ROBO2: variants seen among roughly 807,000 people sequenced by gnomAD.
ROBO2 encodes roundabout guidance receptor 2, also known as roundabout homolog 2.
In ROBO2, 53 loss-of-function variants were observed where a neutral mutation model predicts 160.8. That is an observed-to-expected ratio of 0.33 (90% CI 0.26 to 0.41). The LOEUF (loss-of-function observed/expected upper bound fraction) is 0.41, where lower values mean the gene tolerates loss of function less well. Ranked by LOEUF, ROBO2 falls within the 10% of genes least tolerant of loss-of-function variation. The pLI, the probability that ROBO2 is intolerant of heterozygous loss-of-function variation, is 1.00. For synonymous variants in ROBO2, 664 were observed against 611.7 expected, an observed-to-expected ratio of 1.09 and a Z score of -1.26; for missense variants, 1,577 against 1,722.4, an observed-to-expected ratio of 0.92 and a Z score of 1.49.
chr3:77,524,309 G>A (rs2090922036), intron 6 of ROBO2, among the ~76,000 whole-genome samples: 1 of 150,152 alleles, frequency 6.7e-6, no homozygotes, highest in Non-Finnish European at 1.5e-5. Flanking sequence ...GGATTATGTA[G>A]GATGAAAATC....
chr3:77,240,548 C>A (rs2088878607), intron 2 of ROBO2, among the ~76,000 whole-genome samples: 1 of 152,160 alleles, frequency 6.6e-6, no homozygotes, highest in Admixed American at 6.5e-5. Flanking sequence ...CAGCAGCGGG[C>A]TGAAGGGCTC....
At chr3:76,959,755 C>T (rs2079519253) in intron 2 of ROBO2, among the ~76,000 whole-genome samples, 1 of 151,982 alleles carries the variant, frequency 6.6e-6, no homozygotes, top group Admixed American at 6.6e-5. Context: ...GAAAATATTG[C>T]CCTCTGTTTC....
At chr3:77,161,089 G>C (rs1342142418) in intron 2 of ROBO2, among the ~76,000 whole-genome samples, 1 of 152,154 alleles carries the variant, frequency 6.6e-6, no homozygotes, top group African/African-American at 2.4e-5. Flanking sequence ...CTCCCTCCCT[G>C]TAAGCTTCAT....
chr3:77,206,857 A>G (rs1001034907), intron 2 of ROBO2, among the ~76,000 whole-genome samples: 1 of 152,162 alleles, frequency 6.6e-6, no homozygotes, highest in African/African-American at 2.4e-5. Context: ...TGATGAAACC[A>G]TTCAAGAATT....
chr3:77,200,402 T>C (rs749587490), intron 2 of ROBO2, among the ~76,000 whole-genome samples: 4 of 148,504 alleles, frequency 2.7e-5, no homozygotes, highest in Non-Finnish European at 6.0e-5. Context: ...TAGGTGTCGT[T>C]ATTATTAAAT....
chr3:76,216,802 A>T (rs190058517), intron 2 of ROBO2, among the ~76,000 whole-genome samples: 3 of 152,342 alleles, frequency 2.0e-5, no homozygotes, highest in Admixed American at 1.3e-4. Context: ...GCTCTGCACC[A>T]AGCGGACCTA....
chr3:76,466,065 A>T (rs2078346772), intron 2 of ROBO2, among the ~76,000 whole-genome samples: 1 of 151,360 alleles, frequency 6.6e-6, no homozygotes, highest in South Asian at 2.1e-4. Flanking sequence ...TACAATATAT[A>T]CTTCATGTAT....
chr3:77,061,838 A>G (rs1029699217), intron 1 of ROBO2, among the ~76,000 whole-genome samples: 4 of 152,202 alleles, frequency 2.6e-5, no homozygotes, highest in Non-Finnish European at 5.9e-5. Context: ...TATGCAGGAC[A>G]GGAATACCGT....
At chr3:76,345,446 T>C (rs1287896403) in intron 2 of ROBO2, among the ~76,000 whole-genome samples, 11 of 150,360 alleles carry the variant, frequency 7.3e-5, no homozygotes, top group South Asian at 2.1e-4. Flanking sequence ...TCTTTCTTTT[T>C]TTTTTTTTTT....
At chr3:77,170,673 C>T (rs950379982) in intron 2 of ROBO2, among the ~76,000 whole-genome samples, 2 of 151,964 alleles carry the variant, frequency 1.3e-5, no homozygotes, top group Non-Finnish European at 2.9e-5. Flanking sequence ...ATTATAGAAT[C>T]GCTTAGCTTT....
At position 76,974,986 on chromosome 3, in the gene ROBO2, T is replaced by C. The variant is rs114924631; in HGVS notation, c.110-123028T>C. On this transcript the variant is annotated intron_variant, in intron 2 of 26. Coordinates refer to the ROBO2 transcript ENST00000487694. ...AAAAAAAAATTCCATATGATAATAATAATACACTCTATGATATAACAAGAA... is the reference window on the plus strand; with the variant it reads ...AAAAAAAAATTCCATATGATAATAACAATACACTCTATGATATAACAAGAA... Among the ~76,000 whole-genome samples, 1,096 of 152,290 alleles carry C rather than the reference T, an allele frequency of 7.2e-3. 13 individuals are homozygous for C. Among genetic ancestry groups the C allele is most frequent in the African/African-American group, 0.022 (925 of 41,566 alleles).
intron 2 of ROBO2, among the ~76,000 whole-genome samples, chr3:77,134,717 A>G (rs1304947744): frequency 2.0e-5 from 3 of 152,188 alleles, no homozygotes; most frequent in African/African-American, 2.4e-5. Flanking sequence ...TAAAGCTTTC[A>G]TAAGATAATA....
intron 2 of ROBO2, among the ~76,000 whole-genome samples, chr3:76,815,073 G>C (rs2065541830): frequency 6.6e-6 from 1 of 151,878 alleles, no homozygotes; most frequent in South Asian, 2.1e-4. Context: ...AATTAAAAAA[G>C]GGCTACATGT....
At chr3:76,135,451 T>A (rs571155062) in intron 2 of ROBO2, among the ~76,000 whole-genome samples, 1 of 152,208 alleles carries the variant, frequency 6.6e-6, no homozygotes, top group South Asian at 2.1e-4. Flanking sequence ...TGTGTGCTAC[T>A]TTTGTATAAT....
At chr3:76,802,467 G>C (rs539977126) in intron 2 of ROBO2, among the ~76,000 whole-genome samples, 21 of 151,894 alleles carry the variant, frequency 1.4e-4, no homozygotes, top group African/African-American at 4.8e-4. Flanking sequence ...GGTGGCTCAC[G>C]CCTGTGATCC....
chr3:76,048,936 C>T (rs2067548935), intron 2 of ROBO2, among the ~76,000 whole-genome samples: 1 of 152,172 alleles, frequency 6.6e-6, no homozygotes, highest in African/African-American at 2.4e-5. Context: ...CAGAAAGTTA[C>T]ATACTTCTTG....
rs1414664360 is a variant in ROBO2 at position 76,049,403 on chromosome 3, A to ATATTTTT, written c.109+111802_109+111803insATTTTTT. ...TTTTAGTATATATATATATATATATATTTTTTTTTTTTTTTTTTTTTGTAG... is the reference window on the plus strand; with the variant it reads ...TTTTAGTATATATATATATATATATATATTTTTTTTTTTTTTTTTTTTTTTTTTGTAG... On this transcript the variant is annotated intron_variant, in intron 2 of 26. Coordinates refer to the ROBO2 transcript ENST00000487694. Among the ~76,000 whole-genome samples, 181 of 53,754 alleles carry ATATTTTT rather than the reference A, an allele frequency of 3.4e-3. 1 individual carries two copies. The highest frequency in any genetic ancestry group is 4.3e-3 in the Non-Finnish European group (155 of 36,402). 35.3% of individuals were successfully genotyped at this position (53,754 alleles called of 152,430 possible). A position where few individuals can be genotyped will look rare whatever the true frequency, so the allele number is the denominator to read the frequency against.
intron 2 of ROBO2, among the ~76,000 whole-genome samples, chr3:77,193,069 T>C (rs927987073): frequency 3.3e-5 from 5 of 152,198 alleles, no homozygotes; most frequent in Admixed American, 1.3e-4. Flanking sequence ...AAAATAAGCA[T>C]TCTTTGAATA....
chr3:76,810,236 T>G (rs1366427813), intron 2 of ROBO2, among the ~76,000 whole-genome samples: 2 of 152,012 alleles, frequency 1.3e-5, no homozygotes, highest in Admixed American at 6.6e-5. Context: ...ATCCATGTCT[T>G]AAAAACAAGG....
Sources: gnomAD v4.1 joint callset for allele counts (sites outside exome capture counted in the v4.1 genomes callset) on GRCh38, gnomAD v4.1.1 for gene constraint, MANE v1.5 for transcripts, NCBI Gene and HGNC (gene_info 2026-07-23, HGNC 2026-07-21) for gene names.